The following RANBP9 variants were observed in gnomAD, a reference collection of about 807,000 sequenced individuals.
RANBP9 encodes RAN binding protein 9, also known as ran-binding protein 9.
In RANBP9, 15 loss-of-function variants were observed where a neutral mutation model predicts 84.3. The ratio of observed to expected loss-of-function variants is 0.18; its 90% CI spans 0.12 to 0.27. The LOEUF is 0.27. Ranked by LOEUF, RANBP9 falls within the 10% of genes least tolerant of loss-of-function variation. RANBP9 has a pLI of 1.00. For missense variants in RANBP9, 809 were observed against 912.8 expected (o/e 0.89, Z 1.46); for synonymous variants, 392 against 349.6 (o/e 1.12, Z -1.35).
chr6:13,703,109 T>G (rs1468701984), intron 1 of RANBP9, among the ~76,000 whole-genome samples: 2 of 152,110 alleles, frequency 1.3e-5, no homozygotes, highest in Non-Finnish European at 2.9e-5. Flanking sequence ...ACTTCCTGGG[T>G]TCAAGCAGTC....
intron 2 of RANBP9, among the ~76,000 whole-genome samples, chr6:13,682,426 A>C (rs1434409588): frequency 6.6e-6 from 1 of 151,646 alleles, no homozygotes; most frequent in Non-Finnish European, 1.5e-5. Flanking sequence ...CTGCAAAAAA[A>C]CATACAGTAT....
At position 13,676,784 on chromosome 6, in the gene RANBP9, G is replaced by A. The variant is rs143723819; in HGVS notation, c.684-17952C>T. 5.3e-5 allele frequency among the ~76,000 whole-genome samples: 8 copies of A among 152,130 alleles called. No homozygotes were observed. In the East Asian group the frequency reaches 1.5e-3, roughly 29 times the overall value. On this transcript the variant is annotated intron_variant, in intron 2 of 13. Transcript: ENST00000011619. The stretch of plus-strand genomic sequence containing the variant: ...AAATCACGTGATCAGACCAATAGAT[G>A]CAGAAAACGCATCTGACAAAATCCA...
chr6:13,693,966 C>A (rs1766383849), intron 2 of RANBP9, among the ~76,000 whole-genome samples: 1 of 152,090 alleles, frequency 6.6e-6, no homozygotes. Context: ...TTGCTTGAAC[C>A]CGGGAGGCAG....
intron 1 of RANBP9, among the ~76,000 whole-genome samples, chr6:13,706,271 G>A (rs1758118893): frequency 6.6e-6 from 1 of 152,216 alleles, no homozygotes; most frequent in African/African-American, 2.4e-5. Context: ...GTGAACGCGG[G>A]AGGCGGAGCT....
At chr6:13,697,978 T>C (rs1035058275) in intron 1 of RANBP9, among the ~76,000 whole-genome samples, 1 of 152,248 alleles carries the variant, frequency 6.6e-6, no homozygotes, top group African/African-American at 2.4e-5. Context: ...AAATACCTTC[T>C]TGTAAGTCAA....
chr6:13,632,118 C>CTTTTTTTTTT (rs752500098), intron 12 of RANBP9, among the ~76,000 whole-genome samples: 2 of 74,964 alleles, frequency 2.7e-5, no homozygotes, highest in South Asian at 4.9e-4. Flanking sequence ...GGATTTAATC[C>CTTTTTTTTTT]TTTTTTTTTT....
intron 1 of RANBP9, among the ~76,000 whole-genome samples, chr6:13,704,906 C>T (rs1044595828): frequency 2.0e-5 from 3 of 152,074 alleles, no homozygotes; most frequent in Admixed American, 6.6e-5. Context: ...GTTATACGCT[C>T]CTCCTATTTT....
At chr6:13,640,146 C>T (rs560154024) in intron 8 of RANBP9, among the ~76,000 whole-genome samples, 1 of 152,166 alleles carries the variant, frequency 6.6e-6, no homozygotes, top group Admixed American at 6.5e-5. Flanking sequence ...CGTAGCCTTT[C>T]TCCCCACCCG....
At chr6:13,633,638 T>G (rs1764852022) in intron 11 of RANBP9, among the ~76,000 whole-genome samples, 1 of 152,212 alleles carries the variant, frequency 6.6e-6, no homozygotes, top group Non-Finnish European at 1.5e-5. Context: ...CTCCTGCTCT[T>G]TATCACTGTA....
intron 8 of RANBP9, 35 bp downstream of exon 8, chr6:13,641,164 T>C: frequency 8.3e-7 from 1 of 1,211,918 alleles, no homozygotes; most frequent in Non-Finnish European, 1.2e-6. Flanking sequence ...ATTTATAATA[T>C]ATAACAAATA....
At position 13,703,500 on chromosome 6, in the gene RANBP9, A is replaced by C. The variant is rs1232699436; in HGVS notation, c.572-6604T>G. 5.9e-5 allele frequency among the ~76,000 whole-genome samples: 9 copies of C among 152,324 alleles called. No individual in the cohort carries two copies. In the South Asian group the frequency reaches 8.3e-4, roughly 14 times the overall value. On this transcript the variant is annotated intron_variant, in intron 1 of 13. Transcript: ENST00000011619. The stretch of plus-strand genomic sequence containing the variant: ...AGACCCAGACTATCCTTGTACCAGC[A>C]GGGTATTTTGTATTTTATAATTACC...
At chr6:13,625,793 A>T in intron 12 of RANBP9, 29 bp from the exon 13 acceptor site, 3 of 1,453,354 alleles carry the variant, frequency 2.1e-6, no homozygotes, top group Non-Finnish European at 2.9e-6. Flanking sequence ...TTTGGTTTTA[A>T]TTCAAATAGT....
chr6:13,630,335 C>CT (rs1438156592), intron 12 of RANBP9, among the ~76,000 whole-genome samples: 2 of 152,104 alleles, frequency 1.3e-5, no homozygotes, highest in African/African-American at 4.8e-5. Context: ...CAAGGAATAT[C>CT]TTTGAGAATT....
chr6:13,709,070 A>G (rs992353603), intron 1 of RANBP9, among the ~76,000 whole-genome samples: 1 of 152,244 alleles, frequency 6.6e-6, no homozygotes, highest in African/African-American at 2.4e-5. Context: ...GGCCAAGAAT[A>G]AAAACAACTG....
chr6:13,652,182 CTACTT>C, intron 5 of RANBP9, among the ~76,000 whole-genome samples: 1 of 152,268 alleles, frequency 6.6e-6, no homozygotes, highest in South Asian at 2.1e-4. Context: ...AAAATATGTT[CTACTT>C]TACTTGTTTT....
intron 2 of RANBP9, among the ~76,000 whole-genome samples, chr6:13,687,647 A>C (rs2113342261): frequency 6.6e-6 from 1 of 152,336 alleles, no homozygotes; most frequent in East Asian, 1.9e-4. Context: ...AAGGAAATAA[A>C]GACAGATTTC....
chr6:13,622,512 A>G lies in RANBP9; in HGVS notation c.2060-20T>C. ...GGGTTTCTGAGGAAAAATAATTTAA[A>G]AATGAGAACAGCAATTAGCAAGACA... On this transcript the variant is annotated intron_variant, in intron 13 of 13. Transcript: ENST00000011619. The G allele has an allele frequency of 6.5e-7, 1 of 1,550,178 alleles. No individual in the cohort carries two copies. The highest frequency in any genetic ancestry group is 8.7e-7 in the Non-Finnish European group (1 of 1,151,818).
At chr6:13,703,012 G>A (rs954640217) in intron 1 of RANBP9, among the ~76,000 whole-genome samples, 2 of 152,162 alleles carry the variant, frequency 1.3e-5, no homozygotes, top group Admixed American at 6.5e-5. Flanking sequence ...CATTTCTAGG[G>A]AAGGTGGGGA....
In RANBP9 at chr6:13,711,228, G is replaced by A; in HGVS notation, c.278C>T (p.Ala93Val). ...CCCGCTGGCGGGGGCAGCCGCTGAG[G>A]CAGGGGGAGGCGGGGGCGGCGGCGG... ...PPPPPPPPPP[A>V]SAAAPASGPP... is the part of the protein sequence containing the mutation. The change falls in exon 1 of 14, where the codon GCC (alanine) becomes GTC (valine). Residue 93 changes from alanine to valine, a missense_variant. Around this residue, in one of 5 missense-constraint regions of RANBP9, gnomAD observed 302 missense variants for 240.1 expected, o/e 1.26. Transcript: ENST00000011619. The A allele has an allele frequency of 1.9e-6, 2 of 1,035,656 alleles. No individual in the cohort carries two copies. The highest frequency in any genetic ancestry group is 4.5e-5 in the South Asian group (1 of 22,406). 64.2% of individuals were successfully genotyped at this position (1,035,656 alleles called of 1,614,324 possible).
Sources: allele counts gnomAD v4.1 joint callset (sites outside exome capture counted in the v4.1 genomes callset), GRCh38; gene constraint gnomAD v4.1.1; regional missense constraint gnomAD v4.1.1; transcripts MANE v1.5; gene names NCBI Gene and HGNC (gene_info 2026-07-23, HGNC 2026-07-21).